SEMA3C: variants seen among roughly 807,000 people sequenced by gnomAD.
SEMA3C encodes semaphorin 3C.
A neutral mutation model predicts 89.4 loss-of-function variants in SEMA3C; 47 were observed. The observed-to-expected ratio is 0.53, with a 90% CI of 0.42 to 0.67. The LOEUF is 0.67. Ranked by LOEUF, SEMA3C falls within the 30% of genes least tolerant of loss-of-function variation. SEMA3C has a pLI of 0.00. For missense variants in SEMA3C, 839 were observed against 929.1 expected, an observed-to-expected ratio of 0.90 and a Z score of 1.26; for synonymous variants, 310 against 320.2, an observed-to-expected ratio of 0.97 and a Z score of 0.34.
chr7:80,874,669 G>C (rs990889638), intron 2 of SEMA3C, among the ~76,000 whole-genome samples: 1 of 151,700 alleles, frequency 6.6e-6, no homozygotes, highest in Admixed American at 6.6e-5. Flanking sequence ...GGTTTCACCA[G>C]GTTGACCAGG....
intron 2 of SEMA3C, among the ~76,000 whole-genome samples, chr7:80,852,704 A>T (rs1488274231): frequency 1.4e-5 from 2 of 146,194 alleles, no homozygotes; most frequent in East Asian, 2.0e-4. Context: ...TTTGAGACAG[A>T]GTCTTACACT....
intron 2 of SEMA3C, among the ~76,000 whole-genome samples, chr7:80,889,643 T>A (rs1013527085): frequency 4.6e-5 from 7 of 152,176 alleles, no homozygotes; most frequent in African/African-American, 1.7e-4. Context: ...AGTAATTATA[T>A]ACTTTTCTAA....
At chr7:80,879,404 T>C (rs1002411038) in intron 2 of SEMA3C, among the ~76,000 whole-genome samples, 5 of 152,158 alleles carry the variant, frequency 3.3e-5, no homozygotes, top group African/African-American at 1.2e-4. Flanking sequence ...GGCATGTGAT[T>C]CTTTTCAGTC....
intron 12 of SEMA3C, among the ~76,000 whole-genome samples, chr7:80,770,737 G>A (rs1237896770): frequency 2.6e-5 from 4 of 152,158 alleles, no homozygotes; most frequent in Non-Finnish European, 5.9e-5. Context: ...TGGCCAATAA[G>A]AGCATACCCT....
At chr7:80,914,975 T>C (rs1013865258) in intron 2 of SEMA3C, among the ~76,000 whole-genome samples, 5 of 152,208 alleles carry the variant, frequency 3.3e-5, no homozygotes, top group African/African-American at 1.2e-4. Flanking sequence ...ATTGGTTCAT[T>C]ATCTCTAGTA....
At chr7:80,920,293 C>A (rs1043578999), upstream of SEMA3C, among the ~76,000 whole-genome samples, 1 of 152,150 alleles carries the variant, frequency 6.6e-6, no homozygotes, top group Non-Finnish European at 1.5e-5. Context: ...CAGGCACTTG[C>A]TTAAAATCAC....
intron 17 of SEMA3C, among the ~76,000 whole-genome samples, chr7:80,746,614 A>C (rs1484384732): frequency 6.6e-6 from 1 of 152,024 alleles, no homozygotes; most frequent in East Asian, 1.9e-4. Flanking sequence ...ATTACCTAAC[A>C]AATAGATGGC....
chr7:80,746,307 G>T (rs1787798263), intron 17 of SEMA3C, among the ~76,000 whole-genome samples: 1 of 152,030 alleles, frequency 6.6e-6, no homozygotes, highest in Non-Finnish European at 1.5e-5. Flanking sequence ...AGTATTAAAA[G>T]ATAATAGAAC....
At chr7:80,841,959 G>A (rs1370413155) in intron 2 of SEMA3C, among the ~76,000 whole-genome samples, 1 of 152,148 alleles carries the variant, frequency 6.6e-6, no homozygotes, top group African/African-American at 2.4e-5. Flanking sequence ...GGACAGTGAA[G>A]ACATGTTCAT....
chr7:80,891,854 A>G (rs1449257676), intron 2 of SEMA3C, among the ~76,000 whole-genome samples: 2 of 152,120 alleles, frequency 1.3e-5, no homozygotes, highest in Non-Finnish European at 2.9e-5. Flanking sequence ...GCTAAGCAGA[A>G]AAGTCATATT....
chr7:80,859,688 C>T (rs1239983819), intron 2 of SEMA3C, among the ~76,000 whole-genome samples: 1 of 152,206 alleles, frequency 6.6e-6, no homozygotes, highest in Non-Finnish European at 1.5e-5. Flanking sequence ...TAGCACCCTC[C>T]TGTTGCCACA....
intron 2 of SEMA3C, among the ~76,000 whole-genome samples, chr7:80,830,882 T>C (rs751706781): frequency 1.3e-5 from 2 of 151,998 alleles, no homozygotes; most frequent in Admixed American, 6.6e-5. Flanking sequence ...AATCAGCCCA[T>C]GCCAGACTAG....
At chr7:80,750,511 C>CAT (rs1787910622) in intron 16 of SEMA3C, among the ~76,000 whole-genome samples, 1 of 144,200 alleles carries the variant, frequency 6.9e-6, no homozygotes, top group Non-Finnish European at 1.5e-5. Flanking sequence ...CATACACACA[C>CAT]ACACATTATA....
rs1788269467 is a variant in SEMA3C at position 80,765,198 on chromosome 7, G to C, written c.1400C>G (p.Ser467Cys). ...CTCCAGAATGAGCTCGCCACTGACA[G>C]AGTTGTTAGTAGGAAGAACAACCAC... ...QKVVVLPTNN[S>C]VSGELILEEL... Residue 467 changes from serine (S) to cysteine (C), a missense_variant, in exon 13 of 18, where the codon TCT (serine) becomes TGT (cysteine). Ser to Cys is a moderately radical substitution (Grantham distance 112). Transcript: ENST00000265361. The C allele has an allele frequency of 1.2e-6, 2 of 1,613,720 alleles. No homozygotes were observed. Among genetic ancestry groups the C allele is most frequent in the East Asian group, 2.2e-5 (1 of 44,798 alleles).
chr7:80,797,973 G>A (rs1163935775), intron 11 of SEMA3C, 119 bp downstream of exon 11: 16 of 974,638 alleles, frequency 1.6e-5, no homozygotes, highest in African/African-American at 1.6e-4. Context: ...ATTCCACCCT[G>A]GGCAACAGAG....
intron 14 of SEMA3C, 36 bp from the exon 15 acceptor site, chr7:80,758,524 G>A: frequency 2.5e-6 from 4 of 1,603,054 alleles, no homozygotes; most frequent in Non-Finnish European, 3.4e-6. Context: ...TTTCAGATGT[G>A]GAAGTTAAAA....
intron 2 of SEMA3C, among the ~76,000 whole-genome samples, chr7:80,866,454 A>G (rs1339710486): frequency 2.0e-5 from 3 of 152,154 alleles, no homozygotes; most frequent in African/African-American, 7.2e-5. Context: ...TATTTTCTTA[A>G]GAAGTAGCTC....
At chr7:80,840,680 A>G (rs1790245139) in intron 2 of SEMA3C, among the ~76,000 whole-genome samples, 1 of 152,110 alleles carries the variant, frequency 6.6e-6, no homozygotes, top group African/African-American at 2.4e-5. Context: ...GACTCCAAAA[A>G]TTGAGGAGCA....
chr7:80,910,650 C>T lies in SEMA3C; in HGVS notation c.103+6029G>A, dbSNP rs200300219. Reference sequence around the variant, plus strand: ...GCTCACAGCTCTATTTCCCAATGCTCGTTCTTTTTTTTTTTTTTTTTAACA... The same window carrying T: ...GCTCACAGCTCTATTTCCCAATGCTTGTTCTTTTTTTTTTTTTTTTTAACA... On this transcript the variant is annotated intron_variant, in intron 2 of 17. Coordinates refer to ENST00000265361, the MANE Select transcript of SEMA3C (RefSeq NM_006379.5). Among the ~76,000 whole-genome samples, 237 of 143,844 alleles carry T rather than the reference C, an allele frequency of 1.6e-3. 1 individual carries two copies. In the East Asian group the frequency reaches 0.027, roughly 17 times the overall value. The allele number at this position is 143,844 out of a possible 152,430, so 94.4% of individuals were successfully genotyped here.
Sources: gnomAD v4.1 joint callset for allele counts (sites outside exome capture counted in the v4.1 genomes callset) on GRCh38, gnomAD v4.1.1 for gene constraint, MANE v1.5 for transcripts, NCBI Gene and HGNC (gene_info 2026-07-23, HGNC 2026-07-21) for gene names.